SECISBP2: variants seen among roughly 807,000 people sequenced by gnomAD.
SECISBP2 encodes the protein SECIS binding protein 2.
SECISBP2 carries 96 observed loss-of-function variants against 98.2 expected under a neutral mutation model. The observed-to-expected ratio is 0.98, with a 90% CI of 0.83 to 1.16. The LOEUF is 1.16. SECISBP2 is among the 50% of genes most tolerant of loss of function. SECISBP2 has a pLI of 0.00. For missense variants in SECISBP2, 1,046 were observed against 1,022.9 expected (o/e 1.02, Z -0.31); for synonymous variants, 407 against 370.2 (o/e 1.10, Z -1.14).
intron 5 of SECISBP2, among the ~76,000 whole-genome samples, chr9:89,331,335 A>G (rs1368235902): frequency 3.9e-5 from 6 of 152,238 alleles, no homozygotes; most frequent in Non-Finnish European, 8.8e-5. Context: ...AGCTATTTCT[A>G]ATTTTTTATT....
In SECISBP2 at chr9:89,347,060, GT is replaced by G. The variant is rs1484498140; in HGVS notation, c.1602+15del. The stretch of plus-strand genomic sequence containing the variant: ...CCTCACTGAAGAAGGTATGTGGGGT[GT>G]TTCAGCCGAAGTGAGGCACTAGAAA... On this transcript the variant is annotated intron_variant, in intron 11 of 16. Transcript: ENST00000375807. The G allele has an allele frequency of 1.9e-6, 3 of 1,612,776 alleles. No homozygotes were observed. The South Asian group carries it at 3.3e-5, about 18-fold the overall frequency.
chr9:89,325,114 C>T (rs932352881), intron 2 of SECISBP2: 1 of 371,648 alleles, frequency 2.7e-6, no homozygotes, highest in African/African-American at 2.1e-5. Context: ...GCATTTTGGC[C>T]AGGGTTGCTG....
Position 89,348,182 on chromosome 9 carries a change from A to G in SECISBP2, c.1706A>G (p.Asp569Gly). ...ACACAAGATGGAGAGAGTGGTGGTG[A>G]TGACCAGTTTCCCGAGCAGGCAGAG... ...DDTQDGESGGDDQFPEQAELS... is the reference protein window; with the variant it reads ...DDTQDGESGGGDQFPEQAELS... The change falls in exon 12 of 17, where the codon GAT becomes GGT. Residue 569 changes from aspartate to glycine, a missense_variant. Coordinates refer to ENST00000375807, the MANE Select transcript of SECISBP2 (RefSeq NM_024077.5). The G allele has an allele frequency of 6.2e-7, 1 of 1,614,192 alleles. No individual in the cohort carries two copies. The highest frequency in any genetic ancestry group is 8.5e-7 in the Non-Finnish European group (1 of 1,180,024).
chr9:89,364,891 A>G, the SECISBP2 span: 5 of 129,330 alleles, frequency 3.9e-5, no homozygotes, highest in Admixed American at 9.3e-5. Context: ...ACTCCTAGAC[A>G]CTATTTGTTC....
chr9:89,325,230 A>G lies in SECISBP2; in HGVS notation c.183-197A>G, dbSNP rs551981883. The stretch of plus-strand genomic sequence containing the variant: ...GGACTTCCAGCTCATTAGTGAAAAA[A>G]TAGAGTCAACATCTTTCTTTGCAGG... On this transcript the variant is annotated intron_variant, in intron 2 of 16. Transcript: ENST00000375807. 2.3e-5 allele frequency: 14 copies of G among 598,228 alleles called. No homozygotes were observed. The East Asian group carries it at 4.0e-4, about 17-fold the overall frequency. The allele number at this position is 598,228 out of a possible 1,614,324, so 37.1% of individuals were successfully genotyped here.
intron 1 of SECISBP2, chr9:89,319,076 C>G (rs1418019727): frequency 3.0e-6 from 3 of 998,790 alleles, no homozygotes; most frequent in South Asian, 4.2e-5. Context: ...AAGTAAATCT[C>G]TTACTACGTC....
chr9:89,341,161 A>C (rs968963905), intron 9 of SECISBP2, among the ~76,000 whole-genome samples, 186 bp from the exon 10 acceptor site: 2 of 152,242 alleles, frequency 1.3e-5, no homozygotes, highest in Non-Finnish European at 2.9e-5. Context: ...AGGAAGACAT[A>C]AACAACCATG....
At chr9:89,337,206 T>A (rs1828894972) in intron 7 of SECISBP2, among the ~76,000 whole-genome samples, 1 of 152,230 alleles carries the variant, frequency 6.6e-6, no homozygotes, top group Non-Finnish European at 1.5e-5. Context: ...ATTTTCTTAA[T>A]TATAGGTCTA....
intron 5 of SECISBP2, chr9:89,332,678 G>C (rs929698272): frequency 3.6e-6 from 2 of 549,248 alleles, no homozygotes; most frequent in African/African-American, 1.9e-5. Flanking sequence ...ACCTCCTTTG[G>C]ATAATTACCA....
rs199974801 is a variant in SECISBP2 at position 89,346,985 on chromosome 9, A to G, written c.1539A>G (p.Pro513=). ...ACAATCCCTTGGACTCCAGCGCCCC[A>G]CTGATGAAGAAAGGGAAGCAGAGGG... is the stretch of plus-strand genomic sequence containing the variant. ...TPHNPLDSSA[P]LMKKGKQREI... Residue 513 remains proline (P), a synonymous_variant, in exon 11 of 17, where the codon CCA becomes CCG. Transcript: ENST00000375807. The G allele has an allele frequency of 1.8e-4, 297 of 1,614,036 alleles. 1 individual carries two copies. Among genetic ancestry groups the G allele is most frequent in the Non-Finnish European group, 3.3e-5 (39 of 1,180,020 alleles).
At chr9:89,333,029 A>AT (rs1221375869) in intron 6 of SECISBP2, 43 bp downstream of exon 6, 16 of 1,543,908 alleles carry the variant, frequency 1.0e-5, no homozygotes, top group South Asian at 2.2e-5. Context: ...AATGTCATAG[A>AT]TTTTTTAAGT....
rs142757796 is a variant in SECISBP2 at position 89,328,080 on chromosome 9, G to A, written c.575-580G>A. Among the ~76,000 whole-genome samples, 225 of 152,334 alleles carry A rather than the reference G, an allele frequency of 1.5e-3. 5 individuals are homozygous for A. In the East Asian group the frequency reaches 0.039, roughly 27 times the overall value. ...CCTCCCGAAGTGCTGGGATTAAGGCGTGAGCCACCTTGCCCTGGCCAAATT... is the reference window on the plus strand; with the variant it reads ...CCTCCCGAAGTGCTGGGATTAAGGCATGAGCCACCTTGCCCTGGCCAAATT... On this transcript the variant is annotated intron_variant, in intron 4 of 16. Coordinates refer to ENST00000375807, the MANE Select transcript of SECISBP2 (RefSeq NM_024077.5).
rs1831165920 is a variant in SECISBP2 at position 89,350,818 on chromosome 9, T to C, written c.2079T>C (p.Ile693=). The C allele has an allele frequency of 6.2e-7, 1 of 1,614,188 alleles. No individual in the cohort carries two copies. The highest frequency in any genetic ancestry group is 1.7e-5 in the Admixed American group (1 of 60,020). ...HLKLKKLKCV[I]ISPNCEKIQS... ...AGCTCAAAAAACTGAAATGTGTCATTATTTCTCCCAACTGTGAGAAGATAC... is the reference window on the plus strand; with the variant it reads ...AGCTCAAAAAACTGAAATGTGTCATCATTTCTCCCAACTGTGAGAAGATAC... Residue 693 remains isoleucine, a synonymous_variant, in exon 14 of 17, where the codon ATT becomes ATC. Transcript: ENST00000375807.
At position 89,318,500 on chromosome 9, in the gene SECISBP2, G is replaced by T; in HGVS notation, c.-77G>T. 1 of 1,432,890 alleles carries T rather than the reference G, an allele frequency of 7.0e-7. No individual in the cohort carries two copies. The highest frequency in any genetic ancestry group is 1.2e-5 in the South Asian group (1 of 80,826). 88.8% of individuals were successfully genotyped at this position (1,432,890 alleles called of 1,614,324 possible). A position where few individuals can be genotyped will look rare whatever the true frequency, so the allele number is the denominator to read the frequency against. On this transcript the variant is annotated 5_prime_UTR_variant, in exon 1 of 17. Coordinates refer to ENST00000375807, the MANE Select transcript of SECISBP2 (RefSeq NM_024077.5). ...ACTTCCTGGCGTCGCCTGCGGGGGC[G>T]GAAACGCTTTGTCTGTCCGGCAAGC...
chr9:89,335,592 A>G (rs974710472), intron 7 of SECISBP2, among the ~76,000 whole-genome samples: 4 of 152,110 alleles, frequency 2.6e-5, no homozygotes, highest in African/African-American at 9.7e-5. Context: ...CGGCCTCCCA[A>G]AGTGCTGGGA....
intron 2 of SECISBP2, 106 bp downstream of exon 2, chr9:89,319,903 TGAGAGAA>T: frequency 8.5e-7 from 1 of 1,178,922 alleles, no homozygotes; most frequent in Non-Finnish European, 1.3e-6. Flanking sequence ...CTGCAGATGA[TGAGAGAA>T]TGCTCTTCAA....
chr9:89,339,902 A>G lies in SECISBP2; in HGVS notation c.1251A>G (p.Glu417=). ...EEFPNLAVAS[E]RRDRIETPKF... ...TTCCCAACCTGGCAGTTGCATCTGAAAGAAGAGACAGAATAGAGACACCGA... is the reference window on the plus strand; with the variant it reads ...TTCCCAACCTGGCAGTTGCATCTGAGAGAAGAGACAGAATAGAGACACCGA... The change falls in exon 9 of 17, where the codon GAA becomes GAG. Residue 417 remains glutamate, a synonymous_variant. Coordinates refer to ENST00000375807, the MANE Select transcript of SECISBP2 (RefSeq NM_024077.5). The G allele has an allele frequency of 6.2e-7, 1 of 1,613,904 alleles. No homozygotes were observed. The highest frequency in any genetic ancestry group is 8.5e-7 in the Non-Finnish European group (1 of 1,179,842).
intron 5 of SECISBP2, among the ~76,000 whole-genome samples, chr9:89,332,228 GCACACA>G (rs140202280): frequency 1.3e-5 from 2 of 149,568 alleles, no homozygotes; most frequent in South Asian, 4.2e-4. Context: ...CCCCTTGCCT[GCACACA>G]CACACACACA....
At chr9:89,328,477 A>G (rs906129818) in intron 4 of SECISBP2, among the ~76,000 whole-genome samples, 183 bp from the exon 5 acceptor site, 1 of 152,206 alleles carries the variant, frequency 6.6e-6, no homozygotes, top group Non-Finnish European at 1.5e-5. Context: ...ATTGATACTT[A>G]TGGTCATTTA....
Sources: allele counts gnomAD v4.1 joint callset (sites outside exome capture counted in the v4.1 genomes callset), GRCh38; gene constraint gnomAD v4.1.1; transcripts MANE v1.5; gene names NCBI Gene and HGNC (gene_info 2026-07-23, HGNC 2026-07-21).